Variants in TULP4 observed in about 807,000 individuals in gnomAD.
TULP4 encodes the protein TUB like protein 4.
TULP4 carries 16 observed loss-of-function variants against 129.0 expected under a neutral mutation model. That is an observed-to-expected ratio of 0.12 (90% CI 0.08 to 0.19). TULP4 has a LOEUF of 0.19. Ranked by LOEUF, TULP4 falls within the 10% of genes least tolerant of loss-of-function variation. TULP4 has a pLI of 1.00. For synonymous variants in TULP4, 998 were observed against 854.0 expected, an observed-to-expected ratio of 1.17 and a Z score of -2.94; for missense variants, 1,842 against 2,059.1, an observed-to-expected ratio of 0.89 and a Z score of 2.04.
intron 6 of TULP4, among the ~76,000 whole-genome samples, chr6:158,477,504 A>T (rs947415862): frequency 6.6e-6 from 1 of 152,248 alleles, no homozygotes; most frequent in Non-Finnish European, 1.5e-5. Flanking sequence ...GCCAACAAGC[A>T]TATGAAAAAT....
intron 1 of TULP4, among the ~76,000 whole-genome samples, chr6:158,306,543 T>G (rs767302132): frequency 2.6e-5 from 4 of 152,124 alleles, no homozygotes; most frequent in Non-Finnish European, 4.4e-5. Flanking sequence ...TGGGTGAGAG[T>G]GAGACTCCTT....
intron 1 of TULP4, among the ~76,000 whole-genome samples, chr6:158,365,410 T>TTTTCTGGTTATTTTTC (rs1418150517): frequency 6.6e-6 from 1 of 151,970 alleles, no homozygotes; most frequent in Non-Finnish European, 1.5e-5. Context: ...AAATTTTTTT[T>TTTTCTGGTTATTTTTC]TTTCTGGTTA....
chr6:158,452,554 A>G (rs1475012225), intron 5 of TULP4, among the ~76,000 whole-genome samples: 2 of 152,238 alleles, frequency 1.3e-5, no homozygotes, highest in Non-Finnish European at 2.9e-5. Context: ...GTGTACAGGT[A>G]TGTTTGCATC....
chr6:158,447,297 G>C (rs1779072869), intron 3 of TULP4, among the ~76,000 whole-genome samples: 1 of 151,510 alleles, frequency 6.6e-6, no homozygotes, highest in Non-Finnish European at 1.5e-5. Context: ...TTTTTTTTTT[G>C]ACAGCTAAAA....
chr6:158,430,026 C>A, intron 3 of TULP4, 129 bp downstream of exon 3: 4 of 876,832 alleles, frequency 4.6e-6, no homozygotes, highest in Non-Finnish European at 6.5e-6. Flanking sequence ...AACAATAAAA[C>A]TGTCCAGGTA....
In TULP4 at chr6:158,413,116, G is replaced by A; in HGVS notation, c.304G>A (p.Ala102Thr). 6.2e-7 allele frequency: 1 copy of A among 1,613,996 alleles called. No homozygotes were observed. Among genetic ancestry groups the A allele is most frequent in the Non-Finnish European group, 8.5e-7 (1 of 1,179,902 alleles). Residue 102 changes from alanine to threonine, a missense_variant, in exon 2 of 14, where the codon GCG becomes ACG. Physicochemically the swap from Ala to Thr is moderately conservative, Grantham distance 58 (BLOSUM62 0). Transcript: ENST00000367097. This position sits in a 1 kb window ranked among gnomAD's most constrained non-coding sequence, Gnocchi z 4.9. The stretch of plus-strand genomic sequence containing the variant: ...CTACCAGAAACTGGCCACGTGCGAT[G>A]CGGACGGAGGCATATTCGTGTGGAT... ...EPYQKLATCDADGGIFVWIQY... is the reference protein window; with the variant it reads ...EPYQKLATCDTDGGIFVWIQY...
At chr6:158,371,324 G>T (rs1777063953) in intron 1 of TULP4, among the ~76,000 whole-genome samples, 1 of 152,194 alleles carries the variant, frequency 6.6e-6, no homozygotes, top group South Asian at 2.1e-4. Flanking sequence ...CACTGGCTGG[G>T]CTGGCTTGAG....
intron 1 of TULP4, among the ~76,000 whole-genome samples, chr6:158,381,082 T>C (rs1777313882): frequency 6.6e-6 from 1 of 151,732 alleles, no homozygotes; most frequent in Non-Finnish European, 1.5e-5. Context: ...GGGTTGTAAT[T>C]TATTTGTACA....
Position 158,502,998 on chromosome 6 carries a change from C to T in TULP4, c.3335C>T (p.Ala1112Val), listed in dbSNP as rs772804283. 6.2e-7 allele frequency: 1 copy of T among 1,614,046 alleles called. No individual in the cohort carries two copies. The highest frequency in any genetic ancestry group is 1.7e-5 in the Admixed American group (1 of 60,022). The part of the protein sequence containing the change: ...KPLRHPPLPE[A>V]AVTLKRPPPY... The stretch of plus-strand genomic sequence containing the variant: ...TTGAGGCACCCTCCCCTGCCTGAAG[C>T]TGCTGTCACCCTGAAACGGCCACCC... The change falls in exon 13 of 14, where the codon GCT becomes GTT. Residue 1112 changes from alanine to valine, a missense_variant. This residue lies in a region of TULP4 where 1,089 missense variants were observed against 987.1 expected (regional missense o/e 1.10). Coordinates refer to ENST00000367097, the MANE Select transcript of TULP4 (RefSeq NM_020245.5).
intron 2 of TULP4, among the ~76,000 whole-genome samples, chr6:158,416,684 A>G (rs1221680057): frequency 6.6e-6 from 1 of 152,214 alleles, no homozygotes; most frequent in Non-Finnish European, 1.5e-5. Context: ...CAGCCTAAGC[A>G]TCCAGTGTTG....
intron 6 of TULP4, among the ~76,000 whole-genome samples, chr6:158,475,091 T>A (rs1583917040): frequency 6.6e-6 from 1 of 152,238 alleles, no homozygotes; most frequent in Non-Finnish European, 1.5e-5. Context: ...GCATGTCTTG[T>A]GTACTAGCAG....
At chr6:158,441,166 T>C (rs1402250705) in intron 3 of TULP4, among the ~76,000 whole-genome samples, 4 of 151,800 alleles carry the variant, frequency 2.6e-5, no homozygotes, top group Non-Finnish European at 1.5e-5. Context: ...AATACAAAAT[T>C]ACCCAGGCAC....
At chr6:158,442,921 C>T (rs1778933721) in intron 3 of TULP4, among the ~76,000 whole-genome samples, 1 of 151,740 alleles carries the variant, frequency 6.6e-6, no homozygotes, top group Non-Finnish European at 1.5e-5. Flanking sequence ...TCAAGCAATT[C>T]TTCTGCCTCA....
intron 1 of TULP4, among the ~76,000 whole-genome samples, chr6:158,339,385 C>G (rs1391676903): frequency 6.6e-6 from 1 of 152,192 alleles, no homozygotes; most frequent in Non-Finnish European, 1.5e-5. Flanking sequence ...TAAAGAACTT[C>G]TGTGTCCCGC....
intron 8 of TULP4, among the ~76,000 whole-genome samples, chr6:158,488,232 C>A (rs1049374220): frequency 6.6e-6 from 1 of 152,204 alleles, no homozygotes; most frequent in Admixed American, 6.5e-5. Flanking sequence ...TTCCTCAAGT[C>A]GAATCACACA....
chr6:158,279,530 A>G (rs368162147), upstream of TULP4, among the ~76,000 whole-genome samples: 10 of 152,220 alleles, frequency 6.6e-5, no homozygotes, highest in African/African-American at 2.4e-4. Context: ...TATGATAGCT[A>G]TGTACATTTA....
chr6:158,446,897 CA>C (rs1166515106), intron 3 of TULP4, among the ~76,000 whole-genome samples: 6 of 152,188 alleles, frequency 3.9e-5, no homozygotes, highest in African/African-American at 1.4e-4. Context: ...GTGGGCGCCC[CA>C]CCCTCACGAC....
chr6:158,274,627 A>G (rs1175692718), intron 1 of TULP4, among the ~76,000 whole-genome samples: 2 of 151,940 alleles, frequency 1.3e-5, no homozygotes, highest in Non-Finnish European at 2.9e-5. Context: ...ATACAAAAAA[A>G]TCAGCCGGGT....
chr6:158,352,790 A>G (rs937060371), intron 1 of TULP4, among the ~76,000 whole-genome samples: 5 of 152,150 alleles, frequency 3.3e-5, no homozygotes, highest in African/African-American at 1.2e-4. Context: ...TTTTTTATTT[A>G]AATATTGGAA....
Sources: allele counts gnomAD v4.1 joint callset (sites outside exome capture counted in the v4.1 genomes callset), GRCh38; gene constraint gnomAD v4.1.1; regional missense constraint gnomAD v4.1.1; non-coding constraint Gnocchi (gnomAD v3.1); transcripts MANE v1.5; gene names NCBI Gene and HGNC (gene_info 2026-07-23, HGNC 2026-07-21).